The following PBRM1 variants were observed in gnomAD, a reference collection of about 807,000 sequenced individuals.
The protein encoded by PBRM1 is protein polybromo-1.
Under a neutral mutation model 194.5 loss-of-function variants are expected in PBRM1, and 27 were observed. That is an observed-to-expected ratio of 0.14 (90% CI 0.10 to 0.19). The LOEUF is 0.19. PBRM1 is among the 10% of genes least tolerant of loss of function. PBRM1 has a pLI of 1.00. For synonymous variants in PBRM1, 655 were observed against 693.2 expected, an observed-to-expected ratio of 0.94 and a Z score of 0.87; for missense variants, 1,466 against 2,077.2, an observed-to-expected ratio of 0.71 and a Z score of 5.72.
intron 13 of PBRM1, among the ~76,000 whole-genome samples, chr3:52,618,591 GT>G (rs67103558): frequency 0.29 from 35,679 of 123,312 alleles, 3,988 homozygotes; most frequent in Admixed American, 0.38. Flanking sequence ...TTATGACTTA[GT>G]TTTTTTTTTT....
intron 25 of PBRM1, among the ~76,000 whole-genome samples, chr3:52,559,678 A>C (rs1438502667): frequency 6.6e-6 from 1 of 152,158 alleles, no homozygotes; most frequent in African/African-American, 2.4e-5. Context: ...CTACAGCTCC[A>C]GTCCTCCTTT....
chr3:52,675,844 G>A (rs140348313), intron 2 of PBRM1, among the ~76,000 whole-genome samples: 716 of 46,134 alleles, frequency 0.016, 219 homozygotes, highest in African/African-American at 0.065. Context: ...GGCCGGGCGC[G>A]GTGGCTCACG....
At chr3:52,591,511 G>GT (rs57736913) in intron 17 of PBRM1, among the ~76,000 whole-genome samples, 4,536 of 71,880 alleles carry the variant, frequency 0.063, 438 homozygotes, top group Non-Finnish European at 0.081. Context: ...TTTTGTCTTT[G>GT]TTTTTTTTTT....
intron 13 of PBRM1, 39 bp downstream of exon 15, chr3:52,624,858 C>G (rs1328540783): frequency 5.9e-6 from 8 of 1,353,446 alleles, no homozygotes; most frequent in Middle Eastern, 1.8e-4. Flanking sequence ...AGAAGATACA[C>G]TTTAAAAGAA....
At chr3:52,643,509 C>A (rs1054608301) in intron 8 of PBRM1, among the ~76,000 whole-genome samples, 166 bp from the exon 10 acceptor site, 3 of 152,164 alleles carry the variant, frequency 2.0e-5, no homozygotes, top group Non-Finnish European at 4.4e-5. Context: ...GGGGACTCTG[C>A]GGGGAAGAAC....
chr3:52,632,260 CATT>C (rs368586113), intron 11 of PBRM1, among the ~76,000 whole-genome samples: 4 of 152,184 alleles, frequency 2.6e-5, no homozygotes, highest in African/African-American at 9.6e-5. Context: ...TACTCCATGA[CATT>C]ATGGATTTTT....
chr3:52,596,006 G>T (rs568938580), intron 17 of PBRM1, among the ~76,000 whole-genome samples: 1 of 152,224 alleles, frequency 6.6e-6, no homozygotes, highest in African/African-American at 2.4e-5. Flanking sequence ...ATATTTGTCT[G>T]TTTTTATGCC....
intron 24 of PBRM1, among the ~76,000 whole-genome samples, chr3:52,562,540 T>C (rs1406895497): frequency 1.3e-5 from 2 of 148,594 alleles, no homozygotes; most frequent in East Asian, 3.9e-4. Context: ...GAAAATTCTT[T>C]TTTTTTTTTT....
At chr3:52,671,927 T>C (rs1199648408) in intron 2 of PBRM1, among the ~76,000 whole-genome samples, 1 of 152,208 alleles carries the variant, frequency 6.6e-6, no homozygotes, top group Non-Finnish European at 1.5e-5. Context: ...TCAACAATCA[T>C]GAATGAATCT....
intron 10 of PBRM1, among the ~76,000 whole-genome samples, chr3:52,635,330 G>C (rs1380973146): frequency 6.6e-6 from 1 of 152,160 alleles, no homozygotes; most frequent in Non-Finnish European, 1.5e-5. Context: ...ACTTTTGAGA[G>C]GCCAAGGTGG....
At chr3:52,668,588 T>C (rs1337254931) in exon 3 of PBRM1, 13 of 1,606,076 alleles carry the variant, frequency 8.1e-6, no homozygotes, top group African/African-American at 4.0e-5. Context: ...TTAGTTTCTG[T>C]TGGATTTTCA....
intron 17 of PBRM1, among the ~76,000 whole-genome samples, chr3:52,603,307 T>A (rs2094130443): frequency 6.6e-6 from 1 of 152,250 alleles, no homozygotes; most frequent in Non-Finnish European, 1.5e-5. Flanking sequence ...AATGCTAGGA[T>A]AACAGCTGTG....
chr3:52,568,269 A>G (rs2085981297), intron 22 of PBRM1, among the ~76,000 whole-genome samples: 1 of 152,128 alleles, frequency 6.6e-6, no homozygotes, highest in Non-Finnish European at 1.5e-5. Context: ...GTGAGTCATC[A>G]CACTGGGCCC....
chr3:52,603,483 G>A (rs1474548410), intron 17 of PBRM1, 38 bp downstream of exon 19: 2 of 1,566,290 alleles, frequency 1.3e-6, no homozygotes, highest in Non-Finnish European at 8.7e-7. Flanking sequence ...AGAAGACAGT[G>A]CATTTTTTCA....
At chr3:52,614,778 C>A (rs1277570050) in intron 15 of PBRM1, among the ~76,000 whole-genome samples, 1 of 152,054 alleles carries the variant, frequency 6.6e-6, no homozygotes, top group African/African-American at 2.4e-5. Flanking sequence ...ACCATGTTGG[C>A]CGGGCTGGTC....
chr3:52,673,486 T>C lies in PBRM1; in HGVS notation c.237-4841A>G, dbSNP rs147286941. On this transcript the variant is annotated intron_variant, in intron 2 of 29. Transcript: ENST00000296302. ...GAGTTCGAGACCTGCCTGGCCAATA[T>C]GGCAAAACTCCGTCTCTACTAAAAG... 4.0e-3 allele frequency among the ~76,000 whole-genome samples: 574 copies of C among 142,304 alleles called. 6 individuals are homozygous for C. Among genetic ancestry groups the C allele is most frequent in the African/African-American group, 0.014 (522 of 38,532 alleles). The allele number at this position is 142,304 out of a possible 152,430, so 93.4% of individuals were successfully genotyped here.
chr3:52,628,929 A>G (rs2095531243), exon 12 of PBRM1: 1 of 1,613,816 alleles, frequency 6.2e-7, no homozygotes, highest in Non-Finnish European at 8.5e-7. Context: ...ACTCGCTTGT[A>G]GATGGCTGAA....
intron 10 of PBRM1, among the ~76,000 whole-genome samples, chr3:52,639,588 C>T (rs1352666710): frequency 2.0e-5 from 3 of 151,882 alleles, no homozygotes; most frequent in African/African-American, 7.3e-5. Context: ...GTAGAATTAG[C>T]TGGGTGTGGT....
At chr3:52,614,732 G>A (rs1023799169) in intron 15 of PBRM1, among the ~76,000 whole-genome samples, 10 of 151,988 alleles carry the variant, frequency 6.6e-5, no homozygotes, top group Admixed American at 3.9e-4. Flanking sequence ...CCCCATGTCC[G>A]GCTAATTTTT....
Sources: allele counts gnomAD v4.1 joint callset (sites outside exome capture counted in the v4.1 genomes callset), GRCh38; gene constraint gnomAD v4.1.1; transcripts MANE v1.5; gene names NCBI Gene and HGNC (gene_info 2026-07-23, HGNC 2026-07-21).